CSNK1G3: variants seen among roughly 807,000 people sequenced by gnomAD.
CSNK1G3 encodes the protein casein kinase 1 gamma 3, also known as casein kinase I isoform gamma-3.
In CSNK1G3, 23 loss-of-function variants were observed where a neutral mutation model predicts 64.3. The observed-to-expected ratio is 0.36, with a 90% CI of 0.26 to 0.51. The LOEUF is 0.51. Ranked by LOEUF, CSNK1G3 falls within the 20% of genes least tolerant of loss-of-function variation. The pLI, the probability that CSNK1G3 is intolerant of heterozygous loss-of-function variation, is 0.96. For missense variants in CSNK1G3, 357 were observed against 510.5 expected (o/e 0.70, Z 2.90); for synonymous variants, 158 against 162.2 (o/e 0.97, Z 0.20).
At chr5:123,527,223 C>T (rs929796371) in intron 1 of CSNK1G3, among the ~76,000 whole-genome samples, 1 of 152,114 alleles carries the variant, frequency 6.6e-6, no homozygotes, top group Non-Finnish European at 1.5e-5. Flanking sequence ...TCATTGTGTT[C>T]TGGAACTATT....
chr5:123,559,671 A>G (rs554092932), intron 4 of CSNK1G3, among the ~76,000 whole-genome samples: 175 of 149,284 alleles, frequency 1.2e-3, no homozygotes, highest in Non-Finnish European at 1.9e-3. Flanking sequence ...AGTATTTTGT[A>G]CGAGTCATGA....
chr5:123,540,047 A>G (rs898311329), intron 1 of CSNK1G3, among the ~76,000 whole-genome samples: 4 of 152,150 alleles, frequency 2.6e-5, no homozygotes, highest in Non-Finnish European at 5.9e-5. Flanking sequence ...TAAGAGTTAG[A>G]AATTTCGTTG....
chr5:123,554,686 A>G (rs1439746667), intron 3 of CSNK1G3, among the ~76,000 whole-genome samples: 1 of 152,110 alleles, frequency 6.6e-6, no homozygotes, highest in Non-Finnish European at 1.5e-5. Flanking sequence ...TCCTTTTCTC[A>G]TGTTGTAGGC....
intron 1 of CSNK1G3, among the ~76,000 whole-genome samples, chr5:123,535,307 A>G (rs1040503988): frequency 2.6e-5 from 4 of 152,104 alleles, no homozygotes; most frequent in Non-Finnish European, 5.9e-5. Flanking sequence ...GTCGCATGTT[A>G]TAAAATATTA....
chr5:123,529,540 C>T (rs1392577806), intron 1 of CSNK1G3, among the ~76,000 whole-genome samples: 1 of 152,096 alleles, frequency 6.6e-6, no homozygotes, highest in African/African-American at 2.4e-5. Context: ...AGACCTGTAC[C>T]TGTGTCTGGT....
intron 1 of CSNK1G3, among the ~76,000 whole-genome samples, chr5:123,530,408 T>C (rs1779737281): frequency 6.6e-6 from 1 of 152,218 alleles, no homozygotes; most frequent in Non-Finnish European, 1.5e-5. Context: ...TTGATGATAC[T>C]CCTGTGCCAT....
At chr5:123,536,051 C>T (rs902751891) in intron 1 of CSNK1G3, among the ~76,000 whole-genome samples, 1 of 152,064 alleles carries the variant, frequency 6.6e-6, no homozygotes, top group Non-Finnish European at 1.5e-5. Context: ...CTTTTAAATG[C>T]TTTTATTGTG....
At chr5:123,609,512 G>A (rs1379339254) in intron 12 of CSNK1G3, among the ~76,000 whole-genome samples, 1 of 152,096 alleles carries the variant, frequency 6.6e-6, no homozygotes, top group South Asian at 2.1e-4. Flanking sequence ...ATAGTCTCTA[G>A]AACTGTAAAG....
intron 1 of CSNK1G3, among the ~76,000 whole-genome samples, chr5:123,514,943 A>T (rs1776881535): frequency 6.6e-6 from 1 of 152,200 alleles, no homozygotes; most frequent in South Asian, 2.1e-4. Context: ...GACAGTAGGT[A>T]GGCAAATAAC....
intron 6 of CSNK1G3, among the ~76,000 whole-genome samples, chr5:123,583,195 A>C (rs530132229): frequency 6.6e-6 from 1 of 152,294 alleles, no homozygotes; most frequent in East Asian, 1.9e-4. Context: ...ATACTTTTAC[A>C]TGTATAGTAT....
At chr5:123,578,597 C>T (rs1365738931) in intron 6 of CSNK1G3, among the ~76,000 whole-genome samples, 1 of 151,820 alleles carries the variant, frequency 6.6e-6, no homozygotes, top group African/African-American at 2.4e-5. Flanking sequence ...ATGAGCAGAA[C>T]TGTTAAATAT....
At chr5:123,556,898 C>CA (rs549533211) in intron 3 of CSNK1G3, among the ~76,000 whole-genome samples, 11 of 151,814 alleles carry the variant, frequency 7.2e-5, no homozygotes, top group Non-Finnish European at 1.3e-4. Flanking sequence ...CAGCAACAGG[C>CA]AAAACTAATC....
intron 10 of CSNK1G3, among the ~76,000 whole-genome samples, chr5:123,597,302 A>G (rs1279892782): frequency 6.6e-5 from 10 of 152,172 alleles, no homozygotes; most frequent in South Asian, 2.1e-4. Context: ...CAATTAAAAA[A>G]TTATTCTTAA....
At chr5:123,613,953 A>G (rs1748998152) in intron 12 of CSNK1G3, among the ~76,000 whole-genome samples, 1 of 152,192 alleles carries the variant, frequency 6.6e-6, no homozygotes, top group South Asian at 2.1e-4. Context: ...TTTGGAGTCT[A>G]AACTGATTAT....
intron 6 of CSNK1G3, among the ~76,000 whole-genome samples, chr5:123,578,061 T>C (rs992359924): frequency 2.0e-5 from 3 of 152,002 alleles, no homozygotes; most frequent in Non-Finnish European, 4.4e-5. Flanking sequence ...TGCTAAGTAA[T>C]ATTCCATTGC....
Position 123,557,672 on chromosome 5 carries a change from CTA to C in CSNK1G3, c.289+110_289+111del. 4.4e-6 allele frequency: 3 copies of C among 674,654 alleles called. No homozygotes were observed. The South Asian group carries it at 6.0e-5, about 14-fold the overall frequency. The allele number at this position is 674,654 out of a possible 1,614,324, so 41.8% of individuals were successfully genotyped here. A position where few individuals can be genotyped will look rare whatever the true frequency, so the allele number is the denominator to read the frequency against. On this transcript the variant is annotated intron_variant, in intron 4 of 12. Transcript: ENST00000345990. Reference sequence around the variant, plus strand: ...TGGTTAAGGAAATCACTTTGCAAGGCTATGTTTACTATACGTTTTCTTACTAT... The same window carrying C: ...TGGTTAAGGAAATCACTTTGCAAGGCTGTTTACTATACGTTTTCTTACTAT...
intron 10 of CSNK1G3, among the ~76,000 whole-genome samples, chr5:123,592,465 C>G (rs1233039991): frequency 2.0e-5 from 3 of 150,784 alleles, no homozygotes; most frequent in Non-Finnish European, 4.4e-5. Context: ...CTCTCTTTCT[C>G]TTTTTTTTGG....
intron 6 of CSNK1G3, among the ~76,000 whole-genome samples, chr5:123,577,705 A>G (rs1789453948): frequency 6.6e-6 from 1 of 151,560 alleles, no homozygotes; most frequent in Non-Finnish European, 1.5e-5. Flanking sequence ...TGTAATTCTT[A>G]TTTTATTGAA....
intron 1 of CSNK1G3, among the ~76,000 whole-genome samples, chr5:123,529,308 T>TA (rs765338441): frequency 6.6e-6 from 1 of 152,236 alleles, no homozygotes; most frequent in Non-Finnish European, 1.5e-5. Flanking sequence ...ACTCTGTATT[T>TA]ATCCTGGAAG....
Sources: allele counts gnomAD v4.1 joint callset (sites outside exome capture counted in the v4.1 genomes callset), GRCh38; gene constraint gnomAD v4.1.1; transcripts MANE v1.5; gene names NCBI Gene and HGNC (gene_info 2026-07-23, HGNC 2026-07-21).